Variants in ZNF211 observed in about 807,000 individuals in gnomAD.
ZNF211 encodes zinc finger protein C2H2-25.
ZNF211 carries 18 observed loss-of-function variants against 12.1 expected under a neutral mutation model. The observed-to-expected ratio is 1.48, with a 90% CI of 1.03 to 2.20. The LOEUF (loss-of-function observed/expected upper bound fraction) is 2.20, where lower values mean the gene tolerates loss of function less well. ZNF211 is among the 30% of genes most tolerant of loss of function. The probability of loss-of-function intolerance (pLI) is 0.00; values close to 1 mark genes in which losing one functional copy is unlikely to be tolerated. For synonymous variants in ZNF211, 249 were observed against 246.0 expected, an observed-to-expected ratio of 1.01 and a Z score of -0.11; for missense variants, 677 against 703.1, an observed-to-expected ratio of 0.96 and a Z score of 0.42.
Position 57,640,938 on chromosome 19 carries a change from A to G in ZNF211, c.491A>G (p.Gln164Arg). The change falls in exon 4 of 4, where the codon CAA becomes CGA. Residue 164 changes from glutamine (Q) to arginine (R), a missense_variant. By Grantham distance (43) the Gln-to-Arg change is conservative. Coordinates refer to ENST00000240731, the MANE Select transcript of ZNF211 (RefSeq NM_006385.5). ...GKQFYISANLQQHQRQHITEA... is the reference protein window; with the variant it reads ...GKQFYISANLRQHQRQHITEA... Reference sequence around the variant, plus strand: ...CAATTCTACATCAGTGCAAATCTTCAACAGCACCAGAGGCAGCACATTACA... The same window carrying G: ...CAATTCTACATCAGTGCAAATCTTCGACAGCACCAGAGGCAGCACATTACA... The G allele has an allele frequency of 6.2e-7, 1 of 1,614,212 alleles. No individual in the cohort carries two copies. The highest frequency in any genetic ancestry group is 2.2e-5 in the East Asian group (1 of 44,886).
At chr19:57,638,251 ATT>A (rs59597056) in intron 3 of ZNF211, among the ~76,000 whole-genome samples, 21,029 of 150,134 alleles carry the variant, frequency 0.14, 1,764 homozygotes, top group East Asian at 0.24. Flanking sequence ...GGTTTTGTTG[ATT>A]TTTTTTTTAT....
Position 57,634,845 on chromosome 19 carries a change from A to G in ZNF211, c.256+90A>G, listed in dbSNP as rs532833110. ...GCAGCTCTGTCCTCATATCTGGACT[A>G]TAGGCACTGCCTCCTTCCCCAGTTC... On this transcript the variant is annotated intron_variant, in intron 3 of 3. Transcript: ENST00000240731. 3.7e-6 allele frequency: 5 copies of G among 1,364,290 alleles called. No individual in the cohort carries two copies. In the East Asian group the frequency reaches 1.1e-4, roughly 30 times the overall value. 84.5% of individuals were successfully genotyped at this position (1,364,290 alleles called of 1,614,324 possible). A position where few individuals can be genotyped will look rare whatever the true frequency, so the allele number is the denominator to read the frequency against.
In ZNF211 at chr19:57,641,638, G is replaced by C. The variant is rs376565689; in HGVS notation, c.1191G>C (p.Leu397=). Residue 397 remains leucine (L), a synonymous_variant, in exon 4 of 4, where the codon CTG becomes CTC. Transcript: ENST00000240731. ...AATCTTTTAGCCAAAACTTTAGCCT[G>C]ATCTACCACCAGAGAGTTCACACTG... ...CGKSFSQNFS[L]IYHQRVHTGE... The C allele has an allele frequency of 5.0e-6, 8 of 1,612,284 alleles. No homozygotes were observed. The highest frequency in any genetic ancestry group is 4.0e-5 in the African/African-American group (3 of 74,556).
At chr19:57,636,657 C>T (rs1982181442) in intron 3 of ZNF211, among the ~76,000 whole-genome samples, 1 of 152,216 alleles carries the variant, frequency 6.6e-6, no homozygotes, top group Admixed American at 6.5e-5. Flanking sequence ...AGTCTTCCAA[C>T]TTTCATCCTT....
In ZNF211 at chr19:57,641,156, A is replaced by G. The variant is rs773313761; in HGVS notation, c.709A>G (p.Ser237Gly). 8.1e-6 allele frequency: 13 copies of G among 1,614,218 alleles called. No homozygotes were observed. The highest frequency in any genetic ancestry group is 1.1e-5 in the South Asian group (1 of 91,084). Residue 237 changes from serine to glycine, a missense_variant, in exon 4 of 4, where the codon AGT becomes GGT. Ser to Gly is a moderately conservative substitution (Grantham distance 56, BLOSUM62 0). Coordinates refer to ENST00000240731, the MANE Select transcript of ZNF211 (RefSeq NM_006385.5). ...TAACAAGTGTGCGGTGGCCTTTTAC[A>G]GTGGAAAAAGTCATCACAACTGGGG... ...NSNKCAVAFY[S>G]GKSHHNWGKC...
rs980653901 is a variant in ZNF211, at chr19:57,643,214, G to T, written c.*1033G>T. On this transcript the variant is annotated 3_prime_UTR_variant, in exon 4 of 4. Coordinates refer to ENST00000240731, the MANE Select transcript of ZNF211 (RefSeq NM_006385.5). ...TAGTAGGCTACTGTCACTGTAAAAT[G>T]ATGGGGGAACCATAATTGGTGTGGA... Among the ~76,000 whole-genome samples the T allele has an allele frequency of 2.0e-5, 3 of 152,044 alleles. No homozygotes were observed. The highest frequency in any genetic ancestry group is 7.2e-5 in the African/African-American group (3 of 41,396).
At position 57,643,542 on chromosome 19, in the gene ZNF211, T is replaced by C. The variant is rs756692189; in HGVS notation, c.*1361T>C. Among the ~76,000 whole-genome samples, 1 of 152,162 alleles carries C rather than the reference T, an allele frequency of 6.6e-6. No individual in the cohort carries two copies. Among genetic ancestry groups the C allele is most frequent in the Non-Finnish European group, 1.5e-5 (1 of 68,040 alleles). ...AGGAATGTGACTTTGTAACCTACCA[T>C]CATCCTGTGTTTAAATGAATTCAAA... On this transcript the variant is annotated 3_prime_UTR_variant, in exon 4 of 4. Transcript: ENST00000240731.
intron 3 of ZNF211, among the ~76,000 whole-genome samples, chr19:57,638,604 A>T (rs1982439136): frequency 6.6e-6 from 1 of 152,204 alleles, no homozygotes; most frequent in South Asian, 2.1e-4. Context: ...ACTTTGTATG[A>T]TGTGTGTCTA....
In ZNF211 at chr19:57,641,593, T is replaced by C. The variant is rs1480918141; in HGVS notation, c.1146T>C (p.Tyr382=). Residue 382 remains tyrosine, a synonymous_variant, in exon 4 of 4, where the codon TAT becomes TAC. Transcript: ENST00000240731. ...GAGTTCACACTGGAGAAAGGCCTTA[T>C]GAATGCAGCGAATGTGGGAAATCTT... The part of the protein sequence containing the change: ...HRRVHTGERP[Y]ECSECGKSFS... 2 of 1,612,856 alleles carry C rather than the reference T, an allele frequency of 1.2e-6. No individual in the cohort carries two copies. Among genetic ancestry groups the C allele is most frequent in the South Asian group, 1.1e-5 (1 of 90,940 alleles).
In ZNF211 at chr19:57,643,012, G is replaced by A. The variant is rs1983158514; in HGVS notation, c.*831G>A. Among the ~76,000 whole-genome samples the A allele has an allele frequency of 6.6e-6, 1 of 152,156 alleles. No homozygotes were observed. The highest frequency in any genetic ancestry group is 1.5e-5 in the Non-Finnish European group (1 of 68,034). On this transcript the variant is annotated 3_prime_UTR_variant, in exon 4 of 4. Coordinates refer to ENST00000240731, the MANE Select transcript of ZNF211 (RefSeq NM_006385.5). Reference sequence around the variant, plus strand: ...GTCTTAATTCGTGGACTGGATGCAAGGATTTTTTGTGGGCTCAAAGGACAC... The same window carrying A: ...GTCTTAATTCGTGGACTGGATGCAAAGATTTTTTGTGGGCTCAAAGGACAC...
intron 3 of ZNF211, among the ~76,000 whole-genome samples, chr19:57,635,519 T>C (rs976400404): frequency 6.6e-6 from 1 of 152,252 alleles, no homozygotes; most frequent in African/African-American, 2.4e-5. Flanking sequence ...TCTGGCTTAC[T>C]TCACTTAGCA....
At position 57,633,221 on chromosome 19, in the gene ZNF211, G is replaced by A; in HGVS notation, c.-126G>A. 2 of 972,034 alleles carry A rather than the reference G, an allele frequency of 2.1e-6. No individual in the cohort carries two copies. Among genetic ancestry groups the A allele is most frequent in the South Asian group, 1.9e-5 (1 of 53,094 alleles). 60.2% of individuals were successfully genotyped at this position (972,034 alleles called of 1,614,324 possible). ...GGTCATTTTGGCTGCCCTCCCGGAGGTCCGTTCTGTCTGTCAGCCGCTTTG... is the reference window on the plus strand; with the variant it reads ...GGTCATTTTGGCTGCCCTCCCGGAGATCCGTTCTGTCTGTCAGCCGCTTTG... On this transcript the variant is annotated 5_prime_UTR_variant, in exon 1 of 4. Coordinates refer to ENST00000240731, the MANE Select transcript of ZNF211 (RefSeq NM_006385.5).
At position 57,633,201 on chromosome 19, in the gene ZNF211, T is replaced by G; in HGVS notation, c.-146T>G. ...ACTTGTGGCGTCTTCGCAGCGGTCA[T>G]TTTGGCTGCCCTCCCGGAGGTCCGT... is the stretch of plus-strand genomic sequence containing the variant. On this transcript the variant is annotated 5_prime_UTR_variant, in exon 1 of 4. Transcript: ENST00000240731. 1.6e-5 allele frequency: 12 copies of G among 747,646 alleles called. No individual in the cohort carries two copies. The highest frequency in any genetic ancestry group is 3.6e-5 in the Admixed American group (1 of 27,796). 46.3% of individuals were successfully genotyped at this position (747,646 alleles called of 1,614,324 possible).
rs1290221663 is a variant in ZNF211, at chr19:57,641,721, T to G, written c.1274T>G (p.Leu425Arg). Residue 425 changes from leucine to arginine, a missense_variant, in exon 4 of 4, where the codon CTC becomes CGC. By Grantham distance (102) the Leu-to-Arg change is moderately radical. Coordinates refer to ENST00000240731, the MANE Select transcript of ZNF211 (RefSeq NM_006385.5). The part of the protein sequence containing the change: ...CGKSFSRSSS[L>R]IHHRRLHTGE... ...AAATCCTTTAGCCGAAGCTCCAGCC[T>G]CATTCACCACCGGAGACTTCACACT... 6.2e-7 allele frequency: 1 copy of G among 1,613,962 alleles called. No homozygotes were observed.
At chr19:57,637,647 G>A (rs1982309068) in intron 3 of ZNF211, among the ~76,000 whole-genome samples, 1 of 152,122 alleles carries the variant, frequency 6.6e-6, no homozygotes, top group Admixed American at 6.6e-5. Context: ...AATTCAGTTT[G>A]CTAGTGTTTG....
chr19:57,641,020 C>A lies in ZNF211; in HGVS notation c.573C>A (p.Val191=). Residue 191 remains valine (V), a synonymous_variant, in exon 4 of 4, where the codon GTC becomes GTA. Transcript: ENST00000240731. ...CCTCGTTTACACAGAGTTGCATAGT[C>A]CATGTGTCGGAGAAACCCTTTACCT... ...DTASFTQSCI[V]HVSEKPFTCR... 1 of 1,614,188 alleles carries A rather than the reference C, an allele frequency of 6.2e-7. No individual in the cohort carries two copies. Among genetic ancestry groups the A allele is most frequent in the Admixed American group, 1.7e-5 (1 of 60,018 alleles).
intron 3 of ZNF211, among the ~76,000 whole-genome samples, chr19:57,639,408 CTTTTTTT>C (rs55696059): frequency 1.9e-4 from 4 of 20,764 alleles, no homozygotes; most frequent in African/African-American, 8.4e-4. Flanking sequence ...CCTTTATGTA[CTTTTTTT>C]TTTTTTTTTT....
chr19:57,640,846 A>C lies in ZNF211; in HGVS notation c.399A>C (p.Arg133Ser). ...DSCEICCLVLRDILHLAEHQG... is the reference protein window; with the variant it reads ...DSCEICCLVLSDILHLAEHQG... ...GTGAAATATGTTGCCTGGTCTTGAG[A>C]GATATTTTGCACTTGGCTGAACACC... Residue 133 changes from arginine to serine, a missense_variant, in exon 4 of 4, where the codon AGA becomes AGC. Coordinates refer to ENST00000240731, the MANE Select transcript of ZNF211 (RefSeq NM_006385.5). 6.2e-7 allele frequency: 1 copy of C among 1,614,200 alleles called. No homozygotes were observed.
Position 57,641,539 on chromosome 19 carries a change from C to G in ZNF211, c.1092C>G (p.Ser364Arg), listed in dbSNP as rs1037812252. The change falls in exon 4 of 4, where the codon AGC becomes AGG. Residue 364 changes from serine to arginine, a missense_variant. By Grantham distance (110) the Ser-to-Arg change is moderately radical. Coordinates refer to ENST00000240731, the MANE Select transcript of ZNF211 (RefSeq NM_006385.5). ...GTGGGGAATGTGGGAAATCTTTTAG[C>G]CAAAGGTCCAACCTCATGCAGCATC... Reference protein sequence around the residue: ...YECGECGKSFSQRSNLMQHRR... With the variant: ...YECGECGKSFRQRSNLMQHRR... 7.4e-6 allele frequency: 12 copies of G among 1,613,898 alleles called. No homozygotes were observed. The highest frequency in any genetic ancestry group is 1.0e-5 in the Non-Finnish European group (12 of 1,179,994).
Sources: allele counts gnomAD v4.1 joint callset (sites outside exome capture counted in the v4.1 genomes callset), GRCh38; gene constraint gnomAD v4.1.1; transcripts MANE v1.5; gene names NCBI Gene and HGNC (gene_info 2026-07-23, HGNC 2026-07-21).